Variants in FBXO36 observed in about 807,000 individuals in gnomAD.
The protein encoded by FBXO36 is F-box only protein 36.
FBXO36 carries 18 observed loss-of-function variants against 17.0 expected under a neutral mutation model. The observed-to-expected ratio is 1.06, with a 90% CI of 0.73 to 1.57. FBXO36 has a LOEUF of 1.57. Among genes scored for constraint, FBXO36 ranks in the 40% most tolerant of loss-of-function variants. The pLI, the probability that FBXO36 is intolerant of heterozygous loss-of-function variation, is 0.00. For missense variants in FBXO36, 229 were observed against 221.9 expected (o/e 1.03, Z -0.20); for synonymous variants, 83 against 85.3 (o/e 0.97, Z 0.15).
rs556663426 is a variant in FBXO36 at position 229,945,375 on chromosome 2, C to T, written c.96+22766C>T. On this transcript the variant is annotated intron_variant, in intron 1 of 3. Coordinates refer to ENST00000283946, the MANE Select transcript of FBXO36 (RefSeq NM_174899.5). ...AGGCTGGAGTGCAGTGGCGCAATCT[C>T]GGCTCACTGCAACCTCCACCTCCCA... 1.1e-4 allele frequency among the ~76,000 whole-genome samples: 16 copies of T among 152,150 alleles called. No homozygotes were observed. The South Asian group carries it at 2.7e-3, about 26-fold the overall frequency.
intron 1 of FBXO36, among the ~76,000 whole-genome samples, chr2:229,964,270 A>T (rs901622478): frequency 6.6e-6 from 1 of 152,220 alleles, no homozygotes; most frequent in Non-Finnish European, 1.5e-5. Flanking sequence ...AATTTAAAAA[A>T]ATGTATAACC....
At chr2:229,931,109 G>T (rs1451967556) in intron 1 of FBXO36, among the ~76,000 whole-genome samples, 1 of 152,030 alleles carries the variant, frequency 6.6e-6, no homozygotes, top group Non-Finnish European at 1.5e-5. Context: ...TTTTTTAAGT[G>T]GCATATGGCA....
At chr2:229,986,468 T>G (rs1238264727) in intron 2 of FBXO36, among the ~76,000 whole-genome samples, 1 of 151,896 alleles carries the variant, frequency 6.6e-6, no homozygotes, top group African/African-American at 2.4e-5. Flanking sequence ...TACACTCCAG[T>G]ATGGGCAACA....
intron 2 of FBXO36, among the ~76,000 whole-genome samples, chr2:229,977,911 C>A (rs2077218225): frequency 6.6e-6 from 1 of 152,076 alleles, no homozygotes; most frequent in African/African-American, 2.4e-5. Context: ...TAGAATGTGT[C>A]TCTCAAGGGA....
intron 1 of FBXO36, among the ~76,000 whole-genome samples, chr2:229,949,113 A>G (rs935508025): frequency 6.6e-6 from 1 of 152,140 alleles, no homozygotes; most frequent in African/African-American, 2.4e-5. Context: ...GATTACAGGC[A>G]TGAGCCACTG....
chr2:229,937,608 C>CTCGCCACCCTGGCTCTCCCTGCT (rs2076970990), intron 1 of FBXO36, among the ~76,000 whole-genome samples: 1 of 152,208 alleles, frequency 6.6e-6, no homozygotes, highest in South Asian at 2.1e-4. Flanking sequence ...TGGCCTCTGC[C>CTCGCCACCCTGGCTCTCCCTGCT]TCGCCACCCT....
At chr2:229,951,007 C>T (rs376234311) in intron 1 of FBXO36, among the ~76,000 whole-genome samples, 13 of 152,252 alleles carry the variant, frequency 8.5e-5, no homozygotes, top group African/African-American at 2.2e-4. Context: ...GATCTTGGCT[C>T]GCTGCAACCT....
chr2:229,947,980 A>T (rs1389891450), intron 1 of FBXO36, among the ~76,000 whole-genome samples: 1 of 152,148 alleles, frequency 6.6e-6, no homozygotes, highest in Non-Finnish European at 1.5e-5. Flanking sequence ...CAGAGGAGGG[A>T]TGTCACTAAG....
chr2:229,956,912 C>G (rs2077091423), intron 1 of FBXO36, among the ~76,000 whole-genome samples: 1 of 152,098 alleles, frequency 6.6e-6, no homozygotes, highest in Non-Finnish European at 1.5e-5. Flanking sequence ...CTAAGAACCC[C>G]AGTCCTATTG....
intron 1 of FBXO36, among the ~76,000 whole-genome samples, chr2:229,937,491 G>A (rs1263466364): frequency 6.6e-6 from 1 of 151,894 alleles, no homozygotes; most frequent in Non-Finnish European, 1.5e-5. Flanking sequence ...GCAAAACTCC[G>A]TTTCAAAAAA....
chr2:229,933,040 C>G (rs747352658), intron 1 of FBXO36, among the ~76,000 whole-genome samples: 2 of 152,144 alleles, frequency 1.3e-5, no homozygotes, highest in African/African-American at 2.4e-5. Flanking sequence ...GCGCTCCAGC[C>G]TGGGTGGGCA....
At chr2:230,010,102 A>T (rs957863816) in intron 3 of FBXO36, among the ~76,000 whole-genome samples, 3 of 152,058 alleles carry the variant, frequency 2.0e-5, no homozygotes, top group Admixed American at 2.0e-4. Flanking sequence ...TCTCTACTAA[A>T]AATACAAAAT....
At chr2:229,948,518 G>A (rs1221988128) in intron 1 of FBXO36, among the ~76,000 whole-genome samples, 19 of 129,254 alleles carry the variant, frequency 1.5e-4, no homozygotes, top group Non-Finnish European at 1.3e-4. Flanking sequence ...GGGCTTTAGA[G>A]AAAAAAAAAA....
In FBXO36 at chr2:229,976,253, TG is replaced by T. The variant is rs2077207512; in HGVS notation, c.111del (p.Trp37CysfsTer6). 1 of 1,601,872 alleles carries T rather than the reference TG, an allele frequency of 6.2e-7. No individual in the cohort carries two copies. Among genetic ancestry groups the T allele is most frequent in the Non-Finnish European group, 8.5e-7 (1 of 1,175,784 alleles). ...LVTRSQVIFR[W>X]WKISLRSEYR... ...TATTTAATTATAGGTAATCTTTAGA[TG>T]GTGGAAGATCTCTCTAAGGAGTGAG... On this transcript the variant is annotated frameshift_variant, in exon 2 of 4. Transcript: ENST00000283946. LOFTEE classifies it high-confidence loss of function.
At chr2:229,923,847 GTTTTT>G (rs71045800) in intron 1 of FBXO36, among the ~76,000 whole-genome samples, 3 of 77,708 alleles carry the variant, frequency 3.9e-5, no homozygotes, top group African/African-American at 1.6e-4. Context: ...TTTTGGTGTT[GTTTTT>G]TTTTTTTTTT....
chr2:229,946,817 C>T (rs1368512576), intron 1 of FBXO36, among the ~76,000 whole-genome samples: 1 of 152,162 alleles, frequency 6.6e-6, no homozygotes, highest in Non-Finnish European at 1.5e-5. Flanking sequence ...ACAGTGTGAA[C>T]TCAGTACATA....
At chr2:230,005,644 ACATT>A (rs539011554) in intron 3 of FBXO36, among the ~76,000 whole-genome samples, 3 of 152,218 alleles carry the variant, frequency 2.0e-5, no homozygotes, top group African/African-American at 7.2e-5. Flanking sequence ...ACAGACTATA[ACATT>A]CATTCATTCA....
chr2:229,941,171 C>T lies in FBXO36; in HGVS notation c.96+18562C>T, dbSNP rs371440236. Among the ~76,000 whole-genome samples, 77 of 152,172 alleles carry T rather than the reference C, an allele frequency of 5.1e-4. 1 individual carries two copies. In the East Asian group the frequency reaches 7.7e-3, roughly 15 times the overall value. On this transcript the variant is annotated intron_variant, in intron 1 of 3. Transcript: ENST00000283946. ...AGGAGCCCCTTCTTGAAAATGGGGACGAAGCCGGGCACGGTGGCTCACGCC... is the reference window on the plus strand; with the variant it reads ...AGGAGCCCCTTCTTGAAAATGGGGATGAAGCCGGGCACGGTGGCTCACGCC...
At chr2:229,988,285 G>A (rs1007669225) in intron 2 of FBXO36, among the ~76,000 whole-genome samples, 9 of 151,976 alleles carry the variant, frequency 5.9e-5, no homozygotes, top group Admixed American at 3.9e-4. Context: ...TATTATAAAC[G>A]AAAACTCCTA....
Sources: allele counts gnomAD v4.1 joint callset (sites outside exome capture counted in the v4.1 genomes callset), GRCh38; gene constraint gnomAD v4.1.1; transcripts MANE v1.5; gene names NCBI Gene and HGNC (gene_info 2026-07-23, HGNC 2026-07-21).